EDIL3: variants seen among roughly 807,000 people sequenced by gnomAD.
EDIL3 encodes EGF-like repeat and discoidin I-like domain-containing protein 3.
EDIL3 carries 37 observed loss-of-function variants against 67.4 expected under a neutral mutation model. That is an observed-to-expected ratio of 0.55 (90% CI 0.42 to 0.72). EDIL3 has a LOEUF of 0.72. EDIL3 is among the 30% of genes least tolerant of loss of function. The pLI, the probability that EDIL3 is intolerant of heterozygous loss-of-function variation, is 0.00. For synonymous variants in EDIL3, 195 were observed against 196.3 expected (o/e 0.99, Z 0.05); for missense variants, 527 against 586.3 (o/e 0.90, Z 1.04).
At chr5:84,329,994 T>C (rs1367624489) in intron 1 of EDIL3, among the ~76,000 whole-genome samples, 1 of 152,124 alleles carries the variant, frequency 6.6e-6, no homozygotes, top group African/African-American at 2.4e-5. Context: ...TACCATCACA[T>C]TGATTTCCAA....
chr5:84,068,201 A>T (rs910032570), intron 6 of EDIL3, among the ~76,000 whole-genome samples: 1 of 152,194 alleles, frequency 6.6e-6, no homozygotes, highest in Non-Finnish European at 1.5e-5. Flanking sequence ...GCTATGAAAG[A>T]GTCATATTCT....
At chr5:84,040,449 A>T (rs1277580245) in intron 9 of EDIL3, among the ~76,000 whole-genome samples, 1 of 151,026 alleles carries the variant, frequency 6.6e-6, no homozygotes, top group Non-Finnish European at 1.5e-5. Context: ...CAAAGGGCAA[A>T]ATAAAAAAAT....
intron 1 of EDIL3, among the ~76,000 whole-genome samples, chr5:84,354,818 CATTTCCTTATAAGA>C (rs199552453): frequency 0.012 from 1,869 of 152,246 alleles, 32 homozygotes; most frequent in African/African-American, 0.041. Flanking sequence ...TAACAATCTT[CATTTCCTTATAAGA>C]ATTTCCTTAT....
intron 1 of EDIL3, among the ~76,000 whole-genome samples, chr5:84,325,732 T>A (rs1237452212): frequency 2.0e-5 from 3 of 152,020 alleles, no homozygotes; most frequent in African/African-American, 7.2e-5. Context: ...CTAGGAAGCA[T>A]CACAACAGTC....
chr5:84,228,146 G>C (rs13161136), intron 3 of EDIL3, among the ~76,000 whole-genome samples: 6 of 151,848 alleles, frequency 4.0e-5, no homozygotes, highest in African/African-American at 1.2e-4. Context: ...GCTAGTGGCT[G>C]CCCTATTGGA....
Position 84,006,078 on chromosome 5 carries a change from T to TTAATAATAATAATAA in EDIL3, c.1138-42733_1138-42719dup, listed in dbSNP as rs142039045. Among the ~76,000 whole-genome samples the TTAATAATAATAATAA allele has an allele frequency of 3.2e-3, 450 of 139,848 alleles. 1 individual carries two copies. Among genetic ancestry groups the TTAATAATAATAATAA allele is most frequent in the Non-Finnish European group, 5.3e-3 (347 of 65,298 alleles). 91.7% of individuals were successfully genotyped at this position (139,848 alleles called of 152,430 possible). A position where few individuals can be genotyped will look rare whatever the true frequency, so the allele number is the denominator to read the frequency against. The stretch of plus-strand genomic sequence containing the variant: ...GAATATAATTCCACTCACAATAGCA[T>TTAATAATAATAATAA]TAATAATAATAATAATAATAATAAT... On this transcript the variant is annotated intron_variant, in intron 9 of 10. Transcript: ENST00000296591.
chr5:83,949,349 A>C (rs557560190), intron 10 of EDIL3, among the ~76,000 whole-genome samples: 1 of 151,876 alleles, frequency 6.6e-6, no homozygotes, highest in Non-Finnish European at 1.5e-5. Context: ...ATTCAACCAA[A>C]ATGTATACAT....
intron 2 of EDIL3, among the ~76,000 whole-genome samples, chr5:84,248,329 A>C (rs1744951588): frequency 6.6e-6 from 1 of 152,170 alleles, no homozygotes; most frequent in Admixed American, 6.5e-5. Flanking sequence ...TCCTTGAGAC[A>C]TTGTTAATCC....
chr5:84,106,968 G>C (rs560115487), intron 5 of EDIL3, 138 bp from the exon 6 acceptor site: 1 of 920,732 alleles, frequency 1.1e-6, no homozygotes, highest in East Asian at 2.7e-5. Flanking sequence ...CCCCTTTACA[G>C]ATCTGTTATC....
intron 3 of EDIL3, among the ~76,000 whole-genome samples, chr5:84,223,012 T>G (rs538057442): frequency 2.6e-5 from 4 of 151,962 alleles, no homozygotes; most frequent in Admixed American, 1.3e-4. Flanking sequence ...TTTTTGCTTT[T>G]GATACCTGAG....
chr5:84,141,011 AC>A (rs1456668970), intron 4 of EDIL3, among the ~76,000 whole-genome samples: 5 of 152,094 alleles, frequency 3.3e-5, no homozygotes, highest in Admixed American at 1.3e-4. Context: ...CTAGATAAAA[AC>A]GTTCACAGAA....
rs577572577 is a variant in EDIL3, at chr5:83,943,610, T to C, written c.1294-42A>G. Reference sequence around the variant, plus strand: ...GAAAAATGTCAGTCACACAGCCTTCTTTCTTTGAAATTATTTTTATGTTCC... The same window carrying C: ...GAAAAATGTCAGTCACACAGCCTTCCTTCTTTGAAATTATTTTTATGTTCC... On this transcript the variant is annotated intron_variant, in intron 10 of 10. Transcript: ENST00000296591. 2.3e-5 allele frequency: 37 copies of C among 1,594,944 alleles called. No homozygotes were observed. The East Asian group carries it at 8.1e-4, about 35-fold the overall frequency.
chr5:84,376,428 TA>T (rs1381755922), intron 1 of EDIL3, among the ~76,000 whole-genome samples: 1 of 152,124 alleles, frequency 6.6e-6, no homozygotes, highest in Non-Finnish European at 1.5e-5. Flanking sequence ...ACCTTGCACC[TA>T]AAAAAGGGAA....
At chr5:84,162,453 T>A (rs1748630792) in intron 4 of EDIL3, among the ~76,000 whole-genome samples, 1 of 152,152 alleles carries the variant, frequency 6.6e-6, no homozygotes, top group South Asian at 2.1e-4. Context: ...GTGGATGAGA[T>A]GAAATCCTTG....
intron 5 of EDIL3, among the ~76,000 whole-genome samples, chr5:84,130,145 C>T (rs144466254): frequency 6.6e-6 from 1 of 152,200 alleles, no homozygotes; most frequent in African/African-American, 2.4e-5. Flanking sequence ...GCTTTCATGC[C>T]ACTTTCCTAA....
chr5:83,964,741 G>A (rs556716925), intron 9 of EDIL3, among the ~76,000 whole-genome samples: 28 of 152,100 alleles, frequency 1.8e-4, no homozygotes, highest in Non-Finnish European at 3.1e-4. Flanking sequence ...CTCAAGTTGC[G>A]TGATGGATTA....
chr5:84,061,877 C>A (rs528801601), intron 8 of EDIL3, among the ~76,000 whole-genome samples: 171 of 152,116 alleles, frequency 1.1e-3, no homozygotes, highest in African/African-American at 3.8e-3. Flanking sequence ...TAAAACTAGA[C>A]CTTTTTTGGA....
At position 84,011,975 on chromosome 5, in the gene EDIL3, T is replaced by C. The variant is rs548877748; in HGVS notation, c.1137+48325A>G. ...GTTTGTTGACTGGCACCTTCTCCAC[T>C]AGATTATAAATTCCACAAAGGCAGG... On this transcript the variant is annotated intron_variant, in intron 9 of 10. Transcript: ENST00000296591. 2.3e-4 allele frequency among the ~76,000 whole-genome samples: 35 copies of C among 152,298 alleles called. No homozygotes were observed. In the South Asian group the frequency reaches 7.2e-3, roughly 32 times the overall value.
intron 2 of EDIL3, among the ~76,000 whole-genome samples, chr5:84,243,417 CA>C (rs1394897380): frequency 6.6e-6 from 1 of 152,186 alleles, no homozygotes; most frequent in African/African-American, 2.4e-5. Context: ...GAGCCAAAGT[CA>C]TTGGTTAAAA....
Sources: allele counts gnomAD v4.1 joint callset (sites outside exome capture counted in the v4.1 genomes callset), GRCh38; gene constraint gnomAD v4.1.1; transcripts MANE v1.5; gene names NCBI Gene and HGNC (gene_info 2026-07-23, HGNC 2026-07-21).